ERCC1: variants seen among roughly 807,000 people sequenced by gnomAD.
ERCC1 encodes the protein DNA excision repair protein ERCC-1.
Under a neutral mutation model 37.6 loss-of-function variants are expected in ERCC1, and 36 were observed. The observed-to-expected ratio is 0.96, with a 90% CI of 0.73 to 1.26. The LOEUF is 1.26. ERCC1 is among the 50% of genes most tolerant of loss of function. ERCC1 has a pLI of 0.00. For synonymous variants in ERCC1, 156 were observed against 162.1 expected, an observed-to-expected ratio of 0.96 and a Z score of 0.28; for missense variants, 349 against 376.5, an observed-to-expected ratio of 0.93 and a Z score of 0.60.
chr19:45,451,180 C>T (rs1283989999), intron 1 of ERCC1, among the ~76,000 whole-genome samples: 1 of 152,130 alleles, frequency 6.6e-6, no homozygotes, highest in African/African-American at 2.4e-5. Context: ...GGACCGCCTC[C>T]GCTCGGGTAT....
chr19:45,415,753 G>A (rs1419271377), intron 6 of ERCC1: 1 of 455,346 alleles, frequency 2.2e-6, no homozygotes, highest in Non-Finnish European at 4.4e-6. Context: ...TATCTTTTCT[G>A]GCTACAGGCC....
At chr19:45,434,608 C>G (rs1974926111) in intron 1 of ERCC1, among the ~76,000 whole-genome samples, 2 of 152,080 alleles carry the variant, frequency 1.3e-5, no homozygotes, top group South Asian at 4.1e-4. Flanking sequence ...TTTTCCGAGA[C>G]TGAGTCTTGC....
intron 4 of ERCC1, among the ~76,000 whole-genome samples, chr19:45,419,868 T>TC (rs1974295864): frequency 6.7e-6 from 1 of 149,308 alleles, no homozygotes; most frequent in African/African-American, 2.5e-5. Flanking sequence ...GACCCAGGAA[T>TC]CTGGCCCCAG....
intron 1 of ERCC1, among the ~76,000 whole-genome samples, chr19:45,446,795 C>G (rs192426373): frequency 5.8e-4 from 89 of 152,184 alleles, no homozygotes; most frequent in Admixed American, 4.1e-3. Context: ...GTCAGGAATT[C>G]GAGACCAGCC....
chr19:45,437,863 A>C (rs533547513), intron 1 of ERCC1, among the ~76,000 whole-genome samples: 1 of 152,230 alleles, frequency 6.6e-6, no homozygotes, highest in East Asian at 1.9e-4. Flanking sequence ...AATTTTTTAA[A>C]TTTGTAAATA....
chr19:45,416,759 A>T (rs957147669), intron 6 of ERCC1, 62 bp downstream of exon 6: 11 of 1,278,580 alleles, frequency 8.6e-6, no homozygotes, highest in South Asian at 7.3e-5. Flanking sequence ...GCAGGGTGGG[A>T]TGGGGGAGCA....
At chr19:45,418,429 A>G (rs1367650050) in intron 5 of ERCC1, among the ~76,000 whole-genome samples, 1 of 152,218 alleles carries the variant, frequency 6.6e-6, no homozygotes, top group Non-Finnish European at 1.5e-5. Flanking sequence ...CTGAGGCAGG[A>G]GAATCGTTTG....
At chr19:45,441,684 T>C (rs1338244675) in intron 1 of ERCC1, among the ~76,000 whole-genome samples, 1 of 151,198 alleles carries the variant, frequency 6.6e-6, no homozygotes, top group Non-Finnish European at 1.5e-5. Flanking sequence ...CTAATTTTTT[T>C]TTTTTTTTTC....
At position 45,409,561 on chromosome 19, in the gene ERCC1, A is replaced by G; in HGVS notation, c.*114T>C. 3.2e-6 allele frequency: 5 copies of G among 1,573,336 alleles called. No homozygotes were observed. The highest frequency in any genetic ancestry group is 4.3e-6 in the Non-Finnish European group (5 of 1,159,524). Reference sequence around the variant, plus strand: ...TGAAGGTGCCCACCTGGGCCACCAGAAGGTGACACCCCCAGAATCCCTCCC... The same window carrying G: ...TGAAGGTGCCCACCTGGGCCACCAGGAGGTGACACCCCCAGAATCCCTCCC... On this transcript the variant is annotated 3_prime_UTR_variant, in exon 10 of 10. Transcript: ENST00000300853.
chr19:45,413,882 G>A (rs967978978), intron 8 of ERCC1, 81 bp downstream of exon 8: 4 of 1,569,368 alleles, frequency 2.5e-6, no homozygotes, highest in African/African-American at 1.4e-5. Context: ...TGGGCAGGGA[G>A]ATGGAAGGAA....
chr19:45,439,511 C>T (rs191893243), intron 1 of ERCC1, among the ~76,000 whole-genome samples: 1 of 152,016 alleles, frequency 6.6e-6, no homozygotes, highest in Admixed American at 6.6e-5. Flanking sequence ...AATCCTGGGG[C>T]AATATAGCGA....
upstream of ERCC1, among the ~76,000 whole-genome samples, chr19:45,427,738 C>T (rs1240172405): frequency 6.6e-6 from 1 of 152,156 alleles, no homozygotes; most frequent in African/African-American, 2.4e-5. Flanking sequence ...AATGGAATTG[C>T]CAGACTTAAC....
At chr19:45,419,702 A>T (rs908841850) in intron 4 of ERCC1, among the ~76,000 whole-genome samples, 1 of 152,114 alleles carries the variant, frequency 6.6e-6, no homozygotes. Flanking sequence ...CTGTCTGCAG[A>T]GGGGCCCCTA....
chr19:45,410,565 T>TTGTGTGTGTATGTGTGTG (rs1555785410), intron 9 of ERCC1: 3 of 140,614 alleles, frequency 2.1e-5, no homozygotes, highest in African/African-American at 8.2e-5. Context: ...CATTCTTTCT[T>TTGTGTGTGTATGTGTGTG]TGTGTGTGTG....
At chr19:45,413,862 G>C in intron 8 of ERCC1, 101 bp downstream of exon 8, 1 of 1,575,636 alleles carries the variant, frequency 6.3e-7, no homozygotes, top group Non-Finnish European at 8.7e-7. Flanking sequence ...AAGGCAGGAC[G>C]GGCAAGGGGT....
At chr19:45,434,896 C>A (rs757807711) in intron 1 of ERCC1, among the ~76,000 whole-genome samples, 2 of 152,118 alleles carry the variant, frequency 1.3e-5, no homozygotes, top group Non-Finnish European at 2.9e-5. Context: ...CTGTCTCAGC[C>A]TCCTGAGTAG....
rs1486453089 is a variant in ERCC1, at chr19:45,408,310, C to T, written c.*1365G>A. The T allele has an allele frequency of 2.5e-6, 4 of 1,611,672 alleles. No individual in the cohort carries two copies. Among genetic ancestry groups the T allele is most frequent in the Admixed American group, 1.7e-5 (1 of 59,716 alleles). Reference sequence around the variant, plus strand: ...CCTGTGCCTCAGCCCCCCAGGGCACCCTAAGGATCCTTGAGGGTCCCCAGC... The same window carrying T: ...CCTGTGCCTCAGCCCCCCAGGGCACTCTAAGGATCCTTGAGGGTCCCCAGC... On this transcript the variant is annotated 3_prime_UTR_variant, in exon 10 of 10. Transcript: ENST00000300853.
At chr19:45,443,648 C>A (rs755015299) in intron 1 of ERCC1, among the ~76,000 whole-genome samples, 1 of 152,142 alleles carries the variant, frequency 6.6e-6, no homozygotes, top group Non-Finnish European at 1.5e-5. Flanking sequence ...GGTTACACAA[C>A]CCGTCGTCGC....
chr19:45,417,816 CA>C (rs1974154483), intron 5 of ERCC1, among the ~76,000 whole-genome samples: 1 of 152,122 alleles, frequency 6.6e-6, no homozygotes, highest in South Asian at 2.1e-4. Context: ...TCTCCTGCCT[CA>C]GCCTCCTGAG....
Sources: allele counts gnomAD v4.1 joint callset (sites outside exome capture counted in the v4.1 genomes callset), GRCh38; gene constraint gnomAD v4.1.1; transcripts MANE v1.5; gene names NCBI Gene and HGNC (gene_info 2026-07-23, HGNC 2026-07-21).